The following TENM4 variants were observed in gnomAD, a reference collection of about 807,000 sequenced individuals.
The protein encoded by TENM4 is teneurin-4.
Under a neutral mutation model 243.3 loss-of-function variants are expected in TENM4, and 82 were observed. The observed-to-expected ratio is 0.34, with a 90% CI of 0.28 to 0.40. The LOEUF is 0.40. Among genes scored for constraint, TENM4 ranks in the 10% least tolerant of loss-of-function variants. TENM4 has a pLI of 1.00. For synonymous variants in TENM4, 1,412 were observed against 1,456.3 expected (o/e 0.97, Z 0.69); for missense variants, 3,138 against 3,673.3 (o/e 0.85, Z 3.77).
chr11:78,660,011 C>A (rs1272190088), intron 33 of TENM4, among the ~76,000 whole-genome samples: 1 of 152,222 alleles, frequency 6.6e-6, no homozygotes, highest in African/African-American at 2.4e-5. Context: ...CGATGCTTGC[C>A]AAGGGCAGAA....
Position 78,805,630 on chromosome 11 carries a change from G to A in TENM4, c.1979-138C>T. 3.2e-5 allele frequency: 34 copies of A among 1,072,536 alleles called. No individual in the cohort carries two copies. In the South Asian group the frequency reaches 4.6e-4, roughly 14 times the overall value. The allele number at this position is 1,072,536 out of a possible 1,614,324, so 66.4% of individuals were successfully genotyped here. On this transcript the variant is annotated intron_variant, in intron 14 of 33. Transcript: ENST00000278550. ...GGATGCATAGGTCACTTAGTAAGGT[G>A]AGAGCAGTACTGCGGCAAATGGCAG...
intron 3 of TENM4, among the ~76,000 whole-genome samples, chr11:79,192,233 C>G (rs1214097396): frequency 6.6e-6 from 1 of 151,984 alleles, no homozygotes; most frequent in Non-Finnish European, 1.5e-5. Flanking sequence ...GTGAGGAGCC[C>G]CTCTGCCCGG....
chr11:78,734,968 T>G (rs1255420135), intron 20 of TENM4, among the ~76,000 whole-genome samples: 1 of 152,240 alleles, frequency 6.6e-6, no homozygotes, highest in African/African-American at 2.4e-5. Context: ...TCTGGGCAGT[T>G]GGTGTGAGAG....
Position 78,729,427 on chromosome 11 carries a change from C to T in TENM4, c.3355G>A (p.Asp1119Asn), listed in dbSNP as rs1428052290. 1.3e-6 allele frequency: 2 copies of T among 1,595,812 alleles called. No individual in the cohort carries two copies. Among genetic ancestry groups the T allele is most frequent in the Admixed American group, 1.8e-5 (1 of 56,656 alleles). ...APDLSYYFIW[D>N]KTDVYNQKVF... ...TTCTGGTTGTAGACGTCTGTCTTGT[C>T]CCAAATGAAATAATAGGACAGGTCT... The change falls in exon 22 of 34, where the codon GAC becomes AAC. Residue 1119 changes from aspartate to asparagine, a missense_variant. Asp to Asn is a conservative substitution (Grantham distance 23, BLOSUM62 1). Around this residue, in one of 2 missense-constraint regions of TENM4, gnomAD observed 2,467 missense variants for 3,059.1 expected, o/e 0.81. Coordinates refer to ENST00000278550, the MANE Select transcript of TENM4 (RefSeq NM_001098816.3).
At chr11:78,671,237 C>T (rs982909120) in intron 31 of TENM4, among the ~76,000 whole-genome samples, 2 of 152,150 alleles carry the variant, frequency 1.3e-5, no homozygotes, top group Non-Finnish European at 1.5e-5. Context: ...TGGGAAAGTT[C>T]TTCCCCTCTC....
rs1856122355 is a variant in TENM4, at chr11:79,279,736, T to TCTGCGTA, written c.-265+17745_-265+17751dup. ...TCAGGGCCTTTATGAAAACTTTCCCTCTGCGTACTTTTCTGTCTGGTGAGC... is the reference window on the plus strand; with the variant it reads ...TCAGGGCCTTTATGAAAACTTTCCCTCTGCGTACTGCGTACTTTTCTGTCTGGTGAGC... On this transcript the variant is annotated intron_variant, in intron 2 of 33. Transcript: ENST00000278550. 2.0e-5 allele frequency among the ~76,000 whole-genome samples: 3 copies of TCTGCGTA among 152,316 alleles called. No individual in the cohort carries two copies. The South Asian group carries it at 6.2e-4, about 32-fold the overall frequency.
At chr11:78,661,851 T>A (rs577179252) in intron 32 of TENM4, among the ~76,000 whole-genome samples, 10 of 152,270 alleles carry the variant, frequency 6.6e-5, no homozygotes, top group Admixed American at 1.3e-4. Context: ...TCCTTTTCTA[T>A]TTTCACTTCA....
chr11:78,806,119 GT>G (rs1248884485), intron 14 of TENM4, among the ~76,000 whole-genome samples: 1 of 151,888 alleles, frequency 6.6e-6, no homozygotes, highest in Non-Finnish European at 1.5e-5. Context: ...GCGAGATCCT[GT>G]CTCTACAAAA....
intron 2 of TENM4, among the ~76,000 whole-genome samples, chr11:79,224,938 C>A (rs1370486195): frequency 6.6e-6 from 1 of 151,652 alleles, no homozygotes; most frequent in East Asian, 1.9e-4. Flanking sequence ...GCAACAAGAG[C>A]CAGACTCTGT....
rs531007595 is a variant in TENM4, at chr11:79,155,343, G to GTC, written c.-162-6539_-162-6538dup. ...GCTTTTGCTTCATGGGCTAAAATAT[G>GTC]TCTCTCTCTCTCTTTTTTTTTTTTT... On this transcript the variant is annotated intron_variant, in intron 3 of 33. Transcript: ENST00000278550. 6.6e-3 allele frequency among the ~76,000 whole-genome samples: 998 copies of GTC among 150,730 alleles called. 9 individuals carry two copies. Among genetic ancestry groups the GTC allele is most frequent in the African/African-American group, 0.022 (922 of 41,018 alleles).
intron 3 of TENM4, among the ~76,000 whole-genome samples, chr11:79,165,787 C>T (rs1862898000): frequency 6.6e-6 from 1 of 152,112 alleles, no homozygotes; most frequent in Admixed American, 6.5e-5. Flanking sequence ...AGGCTGAAGT[C>T]TTTGATCTAT....
At chr11:78,814,998 A>T (rs1483427197) in intron 12 of TENM4, among the ~76,000 whole-genome samples, 2 of 152,154 alleles carry the variant, frequency 1.3e-5, no homozygotes, top group Non-Finnish European at 2.9e-5. Context: ...TATTTCTTTG[A>T]AACAAATCTG....
chr11:78,704,190 T>C (rs891001777), intron 27 of TENM4, among the ~76,000 whole-genome samples: 4 of 138,042 alleles, frequency 2.9e-5, no homozygotes, highest in Non-Finnish European at 6.3e-5. Flanking sequence ...TATATATATA[T>C]ATATTTGTAG....
intron 1 of TENM4, among the ~76,000 whole-genome samples, chr11:79,348,543 A>G (rs1258747437): frequency 6.6e-6 from 1 of 152,176 alleles, no homozygotes; most frequent in African/African-American, 2.4e-5. Flanking sequence ...CTGTGATGGT[A>G]TTTGGACACT....
intron 3 of TENM4, among the ~76,000 whole-genome samples, chr11:79,209,098 A>C (rs956953641): frequency 6.6e-6 from 1 of 152,220 alleles, no homozygotes; most frequent in African/African-American, 2.4e-5. Context: ...AAGGATAATG[A>C]CACTGACCTT....
intron 29 of TENM4, among the ~76,000 whole-genome samples, chr11:78,677,250 T>A (rs1352722573): frequency 3.0e-5 from 1 of 33,254 alleles, no homozygotes; most frequent in African/African-American, 6.1e-5. Flanking sequence ...AGGGTTGAAC[T>A]TTTTTTTTTT....
At chr11:79,430,915 A>G (rs1042272829) in intron 1 of TENM4, among the ~76,000 whole-genome samples, 1 of 152,182 alleles carries the variant, frequency 6.6e-6, no homozygotes, top group African/African-American at 2.4e-5. Context: ...AGGCAGACAA[A>G]CTCTAGAATA....
intron 1 of TENM4, among the ~76,000 whole-genome samples, chr11:79,370,378 G>C (rs1237406500): frequency 1.3e-5 from 2 of 152,212 alleles, no homozygotes; most frequent in African/African-American, 2.4e-5. Flanking sequence ...GGGGCTGCTG[G>C]CCGCCTCATC....
At chr11:78,820,771 G>A (rs888322853) in intron 12 of TENM4, among the ~76,000 whole-genome samples, 1 of 152,236 alleles carries the variant, frequency 6.6e-6, no homozygotes, top group African/African-American at 2.4e-5. Context: ...TGAATGTGAA[G>A]AAGGCAGGGT....
Sources: gnomAD v4.1 joint callset for allele counts (sites outside exome capture counted in the v4.1 genomes callset) on GRCh38, gnomAD v4.1.1 for gene constraint, gnomAD v4.1.1 regional missense constraint, MANE v1.5 for transcripts, NCBI Gene and HGNC (gene_info 2026-07-23, HGNC 2026-07-21) for gene names.